Variants in KITLG observed in about 807,000 individuals in gnomAD.
KITLG encodes the protein c-Kit ligand.
KITLG carries 13 observed loss-of-function variants against 34.1 expected under a neutral mutation model. That is an observed-to-expected ratio of 0.38 (90% CI 0.25 to 0.61). KITLG has a LOEUF of 0.61. Ranked by LOEUF, KITLG falls within the 20% of genes least tolerant of loss-of-function variation. KITLG has a pLI of 0.60. For synonymous variants in KITLG, 110 were observed against 104.0 expected, an observed-to-expected ratio of 1.06 and a Z score of -0.35; for missense variants, 292 against 318.9, an observed-to-expected ratio of 0.92 and a Z score of 0.64.
intron 1 of KITLG, among the ~76,000 whole-genome samples, chr12:88,566,543 C>G (rs1871449129): frequency 6.6e-6 from 1 of 152,136 alleles, no homozygotes. Flanking sequence ...TCAGGGAGGA[C>G]TTCCTGGAGT....
chr12:88,511,917 C>A (rs1869291664), intron 6 of KITLG, among the ~76,000 whole-genome samples: 1 of 152,112 alleles, frequency 6.6e-6, no homozygotes, highest in Non-Finnish European at 1.5e-5. Context: ...GAACCTCCTA[C>A]CAAAACACAA....
Position 88,503,798 on chromosome 12 carries a change from A to G in KITLG, c.*37+1361T>C, listed in dbSNP as rs1394666940. On this transcript the variant is annotated intron_variant, in intron 9 of 9. Transcript: ENST00000644744. ...ATGTTCCGTGCATCCTGGGCTCTGA[A>G]CTATTATAATGCATAATTATTACTA... 2.0e-5 allele frequency among the ~76,000 whole-genome samples: 3 copies of G among 152,124 alleles called. No homozygotes were observed. In the East Asian group the frequency reaches 5.8e-4, roughly 29 times the overall value.
intron 1 of KITLG, among the ~76,000 whole-genome samples, chr12:88,546,511 C>T (rs995450040): frequency 1.3e-5 from 2 of 152,194 alleles, no homozygotes; most frequent in African/African-American, 4.8e-5. Context: ...CTCGAACACA[C>T]ATAACCTACA....
intron 1 of KITLG, among the ~76,000 whole-genome samples, chr12:88,547,395 C>A (rs1465789966): frequency 1.3e-5 from 2 of 152,132 alleles, no homozygotes; most frequent in Admixed American, 6.6e-5. Flanking sequence ...AGTAATCCTG[C>A]ATAATTTTAT....
chr12:88,550,223 T>C (rs1870849266), intron 1 of KITLG, among the ~76,000 whole-genome samples: 1 of 152,102 alleles, frequency 6.6e-6, no homozygotes, highest in South Asian at 2.1e-4. Flanking sequence ...GATGGGGAAG[T>C]AGCTGGCAAG....
chr12:88,525,318 C>T (rs1327399672), intron 3 of KITLG, among the ~76,000 whole-genome samples: 1 of 152,108 alleles, frequency 6.6e-6, no homozygotes, highest in East Asian at 1.9e-4. Context: ...AATAATGGGA[C>T]TTTTACTATT....
At chr12:88,529,197 A>T (rs4842476) in intron 3 of KITLG, among the ~76,000 whole-genome samples, 12,850 of 152,244 alleles carry the variant, frequency 0.084, 575 homozygotes, top group Non-Finnish European at 0.1. Context: ...CTCAAATATT[A>T]CAAGCAACCC....
chr12:88,524,864 A>T (rs188590644), intron 3 of KITLG, among the ~76,000 whole-genome samples: 38 of 152,334 alleles, frequency 2.5e-4, no homozygotes, highest in African/African-American at 9.1e-4. Context: ...GCAGATAAAT[A>T]GTTGACTACA....
At chr12:88,570,585 A>G (rs150289423) in intron 1 of KITLG, among the ~76,000 whole-genome samples, 1 of 152,176 alleles carries the variant, frequency 6.6e-6, no homozygotes, top group East Asian at 1.9e-4. Context: ...ATGTGTATGC[A>G]TGCGTGTCTA....
rs1871978084 is a variant in KITLG at position 88,580,407 on chromosome 12, C to A, written c.-129G>T. 9.1e-6 allele frequency: 10 copies of A among 1,095,290 alleles called. No homozygotes were observed. Among genetic ancestry groups the A allele is most frequent in the African/African-American group, 1.6e-5 (1 of 64,204 alleles). The allele number at this position is 1,095,290 out of a possible 1,614,324, so 67.8% of individuals were successfully genotyped here. On this transcript the variant is annotated 5_prime_UTR_variant, in exon 1 of 10. Transcript: ENST00000644744. The stretch of plus-strand genomic sequence containing the variant: ...CACGCATTGGGTAGCCCGAGCGCAG[C>A]GCCCTCTCCACTGTCCCTGCTTCCC...
At chr12:88,514,706 G>A (rs899001112) in intron 6 of KITLG, among the ~76,000 whole-genome samples, 3 of 151,554 alleles carry the variant, frequency 2.0e-5, no homozygotes, top group Admixed American at 6.6e-5. Flanking sequence ...GTATTTTAGA[G>A]TTTTTTTAAA....
At chr12:88,524,597 T>A (rs1869796627) in intron 3 of KITLG, among the ~76,000 whole-genome samples, 1 of 152,144 alleles carries the variant, frequency 6.6e-6, no homozygotes, top group African/African-American at 2.4e-5. Context: ...TTTATTTATT[T>A]TTTTTTTAGT....
At chr12:88,563,550 T>A (rs755943013) in intron 1 of KITLG, among the ~76,000 whole-genome samples, 34 of 152,212 alleles carry the variant, frequency 2.2e-4, no homozygotes, top group Non-Finnish European at 4.3e-4. Context: ...ATGCTAATAA[T>A]CATGACTAAG....
chr12:88,554,222 T>C (rs1871021877), intron 1 of KITLG, among the ~76,000 whole-genome samples: 1 of 151,948 alleles, frequency 6.6e-6, no homozygotes, highest in African/African-American at 2.4e-5. Flanking sequence ...CATATGCTGT[T>C]CAAGAAACCA....
chr12:88,569,222 G>A (rs2120978038), intron 1 of KITLG, among the ~76,000 whole-genome samples: 1 of 152,306 alleles, frequency 6.6e-6, no homozygotes, highest in Non-Finnish European at 1.5e-5. Flanking sequence ...ACATATTGGT[G>A]CCGCGATCTT....
chr12:88,520,372 C>G (rs1449680558), intron 3 of KITLG, among the ~76,000 whole-genome samples: 1 of 152,188 alleles, frequency 6.6e-6, no homozygotes, highest in African/African-American at 2.4e-5. Flanking sequence ...TATAGACCGT[C>G]AGCCCTATCA....
At chr12:88,567,513 G>A (rs1164670529) in intron 1 of KITLG, among the ~76,000 whole-genome samples, 1 of 152,138 alleles carries the variant, frequency 6.6e-6, no homozygotes, top group African/African-American at 2.4e-5. Context: ...TGTCTTGATT[G>A]ATACAAAACT....
intron 4 of KITLG, among the ~76,000 whole-genome samples, chr12:88,518,464 TAA>T (rs1869535968): frequency 6.6e-6 from 1 of 152,188 alleles, no homozygotes; most frequent in Non-Finnish European, 1.5e-5. Context: ...GTAATGTAAA[TAA>T]GTTTTATTTT....
intron 3 of KITLG, among the ~76,000 whole-genome samples, chr12:88,522,605 T>C (rs1869716782): frequency 6.6e-6 from 1 of 152,004 alleles, no homozygotes; most frequent in Admixed American, 6.6e-5. Flanking sequence ...CTTTTGTTTT[T>C]TTAGTAGAGA....
Sources: gnomAD v4.1 joint callset for allele counts (sites outside exome capture counted in the v4.1 genomes callset) on GRCh38, gnomAD v4.1.1 for gene constraint, MANE v1.5 for transcripts, NCBI Gene and HGNC (gene_info 2026-07-23, HGNC 2026-07-21) for gene names.